IGSF1: variants seen among roughly 807,000 people sequenced by gnomAD.
IGSF1 encodes immunoglobulin-like domain-containing protein 1.
In IGSF1, 40 loss-of-function variants were observed where a neutral mutation model predicts 95.3. That is an observed-to-expected ratio of 0.42 (90% CI 0.33 to 0.55). The LOEUF (loss-of-function observed/expected upper bound fraction) is 0.55, where lower values mean the gene tolerates loss of function less well. Among genes scored for constraint, IGSF1 ranks in the 20% least tolerant of loss-of-function variants. The pLI is 0.10. For synonymous variants in IGSF1, 372 were observed against 382.9 expected, an observed-to-expected ratio of 0.97 and a Z score of 0.33; for missense variants, 906 against 1,025.4, an observed-to-expected ratio of 0.88 and a Z score of 1.59.
chrX:131,287,324 C>A (rs1266098445), intron 1 of IGSF1, among the ~76,000 whole-genome samples: 1 of 109,116 alleles, frequency 9.2e-6, no homozygotes, highest in Non-Finnish European at 1.9e-5. Flanking sequence ...AATATTAGAG[C>A]CCAAATTAGA....
intron 16 of IGSF1, 66 bp downstream of exon 16, chrX:131,275,412 C>T: frequency 8.7e-7 from 1 of 1,152,034 alleles, no homozygotes. Context: ...AAAACTATCT[C>T]CCATGAACTA....
rs976397480 is a variant in IGSF1 at position 131,275,156 on chromosome X, C to T, written c.3315G>A (p.Glu1105=). The T allele has an allele frequency of 1.2e-5, 15 of 1,210,081 alleles. No homozygotes were observed. Among genetic ancestry groups the T allele is most frequent in the African/African-American group, 3.5e-5 (2 of 57,143 alleles). ...CACTTGGCCTCTGTTGCTCTAAAGG[C>T]TCCTGAGCCCCCTCCTTCAACAGGA... The part of the protein sequence containing the change: ...TFVLLKEGAQ[E]PLEQQRPSGY... The change falls in exon 17 of 20, where the codon GAG becomes GAA. Residue 1105 remains glutamate, a synonymous_variant. Transcript: ENST00000361420.
chrX:131,278,866 C>G (rs2080514173), intron 11 of IGSF1, 115 bp from the exon 12 acceptor site: 1 of 702,747 alleles, frequency 1.4e-6, no homozygotes, highest in African/African-American at 2.2e-5. Context: ...AACCCAAATC[C>G]AAACCCTTTC....
At chrX:131,275,808 T>C in intron 15 of IGSF1, 43 bp from the exon 16 acceptor site, 3 of 1,170,503 alleles carry the variant, frequency 2.6e-6, no homozygotes, top group Middle Eastern at 2.5e-4. Context: ...TATAGAAACT[T>C]ATGAGTTCCT....
chrX:131,288,806 A>C (rs1603406900), intron 1 of IGSF1, among the ~76,000 whole-genome samples: 1 of 80,993 alleles, frequency 1.2e-5, no homozygotes, highest in Admixed American at 1.4e-4. Flanking sequence ...CTCCTACTCC[A>C]CCCCAAGCAC....
Position 131,282,865 on chromosome X carries a change from C to G in IGSF1, c.952+115G>C, listed in dbSNP as rs1804316156. On this transcript the variant is annotated intron_variant, in intron 6 of 19. Transcript: ENST00000361420. ...CTGCCTACACCCAGTTTTACAAATTCTGCTCCCTTCTCTACTGTTAACCCT... is the reference window on the plus strand; with the variant it reads ...CTGCCTACACCCAGTTTTACAAATTGTGCTCCCTTCTCTACTGTTAACCCT... The G allele has an allele frequency of 2.9e-5, 27 of 922,576 alleles. No individual in the cohort carries two copies. In the South Asian group the frequency reaches 5.9e-4, roughly 20 times the overall value. 76.0% of individuals were successfully genotyped at this position (922,576 alleles called of 1,213,427 possible).
At chrX:131,287,501 T>C (rs767829435) in intron 1 of IGSF1, among the ~76,000 whole-genome samples, 2 of 110,915 alleles carry the variant, frequency 1.8e-5, no homozygotes, top group Admixed American at 1.9e-4. Flanking sequence ...TCTTGTCTCC[T>C]ACCCCTAAAA....
intron 14 of IGSF1, 47 bp downstream of exon 14, chrX:131,276,892 C>G: frequency 8.7e-7 from 1 of 1,144,463 alleles, no homozygotes; most frequent in Non-Finnish European, 1.2e-6. Flanking sequence ...CTTCCACCCA[C>G]CATCCCAGGG....
chrX:131,283,357 G>T, intron 5 of IGSF1, 93 bp from the exon 6 acceptor site: 1 of 768,102 alleles, frequency 1.3e-6, no homozygotes, highest in South Asian at 2.7e-5. Context: ...AACAAGAAGT[G>T]GTAGCTGAAG....
intron 5 of IGSF1, chrX:131,284,105 A>G: frequency 1.4e-6 from 1 of 721,438 alleles, no homozygotes; most frequent in Non-Finnish European, 1.6e-6. Flanking sequence ...ACATTCATAC[A>G]CTCAGTTCAA....
chrX:131,285,632 C>T, intron 4 of IGSF1, 135 bp downstream of exon 4: 1 of 826,935 alleles, frequency 1.2e-6, no homozygotes, highest in Non-Finnish European at 1.7e-6. Context: ...TCTGCATTGC[C>T]CAATACAAAG....
Position 131,274,746 on chromosome X carries a change from G to A in IGSF1, c.3604C>T (p.Pro1202Ser), listed in dbSNP as rs758849300. 1 of 1,211,627 alleles carries A rather than the reference G, an allele frequency of 8.3e-7. No individual in the cohort carries two copies. Residue 1202 changes from proline to serine, a missense_variant, in exon 18 of 20, where the codon CCT (proline) becomes TCT (serine). Physicochemically the swap from Pro to Ser is moderately conservative, Grantham distance 74. This residue lies in a region of IGSF1 where 411 missense variants were observed against 494.9 expected (regional missense o/e 0.83). Coordinates refer to ENST00000361420, the MANE Select transcript of IGSF1 (RefSeq NM_001555.5). ...TCTCCATCCTCTGAAAACTGCTGAG[G>A]TGCTTCTTCTCCATCATGTTCTAGG... Reference protein sequence around the residue: ...FVLEHDGEEAPQQFSEDGDFV... With the variant: ...FVLEHDGEEASQQFSEDGDFV...
intron 12 of IGSF1, 102 bp from the exon 13 acceptor site, chrX:131,278,236 C>T (rs2080503317): frequency 3.4e-6 from 3 of 893,640 alleles, no homozygotes; most frequent in Admixed American, 5.2e-5. Context: ...TCATTCTGGG[C>T]TGGCCCTAGG....
At position 131,279,799 on chromosome X, in the gene IGSF1, T is replaced by C. The variant is rs752972535; in HGVS notation, c.1647-458A>G. ...TTCGGAAGCAGTTGTTGTGGCAGTA[T>C]TGGTCCTCAGACCCACCTGCCTCAC... On this transcript the variant is annotated intron_variant, in intron 9 of 19. Transcript: ENST00000361420. Among the ~76,000 whole-genome samples the C allele has an allele frequency of 8.9e-5, 10 of 111,764 alleles. No individual in the cohort carries two copies. The South Asian group carries it at 3.4e-3, about 38-fold the overall frequency.
chrX:131,281,885 C>G lies in IGSF1; in HGVS notation c.1306G>C (p.Ala436Pro). ...WPSTVFKLGKAITLQCRVSHP... is the reference protein window; with the variant it reads ...WPSTVFKLGKPITLQCRVSHP... ...GATACTCGGCACTGAAGGGTGATGG[C>G]CTTTCCTAGCTTGAACACAGTGCTT... Residue 436 changes from alanine to proline, a missense_variant, in exon 8 of 20, where the codon GCC becomes CCC. Physicochemically the swap from Ala to Pro is conservative, Grantham distance 27 (BLOSUM62 -1). This residue lies in a region of IGSF1 where 442 missense variants were observed against 448.1 expected (regional missense o/e 0.99). Coordinates refer to ENST00000361420, the MANE Select transcript of IGSF1 (RefSeq NM_001555.5). 8.3e-7 allele frequency: 1 copy of G among 1,210,499 alleles called. No homozygotes were observed. The highest frequency in any genetic ancestry group is 1.1e-6 in the Non-Finnish European group (1 of 894,682).
intron 1 of IGSF1, among the ~76,000 whole-genome samples, chrX:131,287,393 A>G (rs1200952164): frequency 9.1e-6 from 1 of 109,868 alleles, no homozygotes; most frequent in Non-Finnish European, 1.9e-5. Context: ...TCCCAGAGGT[A>G]CCCTTCACTC....
Position 131,289,198 on chromosome X carries a change from A to C in IGSF1, c.-68+16T>G, listed in dbSNP as rs2080685677. On this transcript the variant is annotated intron_variant, in intron 1 of 19. Transcript: ENST00000361420. ...TATTCAGCCACTGAACTATGCGCTCATTTGTAGGTACTTACGGTAGTTGAA... is the reference window on the plus strand; with the variant it reads ...TATTCAGCCACTGAACTATGCGCTCCTTTGTAGGTACTTACGGTAGTTGAA... The C allele has an allele frequency of 2.7e-6, 1 of 373,669 alleles. No homozygotes were observed. Among genetic ancestry groups the C allele is most frequent in the Non-Finnish European group, 5.2e-6 (1 of 192,163 alleles). The allele number at this position is 373,669 out of a possible 1,213,427, so 30.8% of individuals were successfully genotyped here. A position where few individuals can be genotyped will look rare whatever the true frequency, so the allele number is the denominator to read the frequency against.
In IGSF1 at chrX:131,277,105, T is replaced by C. The variant is rs1267770294; in HGVS notation, c.2442A>G (p.Gly814=). ...QHMSFILYKD[G]SEIASSDRSW... is the part of the protein sequence containing the mutation. ...ACCTGTCACTGGATGCTATTTCACT[T>C]CCATCTTTGTAAAGAATAAAGCTCA... The change falls in exon 14 of 20, where the codon GGA becomes GGG. Residue 814 remains glycine (G), a synonymous_variant. Coordinates refer to ENST00000361420, the MANE Select transcript of IGSF1 (RefSeq NM_001555.5). 2.5e-6 allele frequency: 3 copies of C among 1,211,465 alleles called. No individual in the cohort carries two copies. The highest frequency in any genetic ancestry group is 3.4e-6 in the Non-Finnish European group (3 of 895,341).
At chrX:131,274,514 C>A in intron 18 of IGSF1, 85 bp downstream of exon 18, 1 of 1,015,203 alleles carries the variant, frequency 9.9e-7, no homozygotes, top group Non-Finnish European at 1.3e-6. Context: ...CTCCTCCATT[C>A]TCCTGATTTG....
Sources: gnomAD v4.1 joint callset for allele counts (sites outside exome capture counted in the v4.1 genomes callset) on GRCh38, gnomAD v4.1.1 for gene constraint, gnomAD v4.1.1 regional missense constraint, MANE v1.5 for transcripts, NCBI Gene and HGNC (gene_info 2026-07-23, HGNC 2026-07-21) for gene names.